The following GALNT13 variants were observed in gnomAD, a reference collection of about 807,000 sequenced individuals.
GALNT13 encodes polypeptide N-acetylgalactosaminyltransferase 13.
GALNT13 carries 28 observed loss-of-function variants against 64.2 expected under a neutral mutation model. The observed-to-expected ratio is 0.44, with a 90% CI of 0.32 to 0.60. The LOEUF (loss-of-function observed/expected upper bound fraction) is 0.60. Among genes scored for constraint, GALNT13 ranks in the 20% least tolerant of loss-of-function variants. The pLI is 0.05. For missense variants in GALNT13, 577 were observed against 669.8 expected (o/e 0.86, Z 1.53); for synonymous variants, 214 against 224.6 (o/e 0.95, Z 0.42).
chr2:153,611,679 CTTTTTTTT>C, the GALNT13 span, among the ~76,000 whole-genome samples: 13,875 of 104,390 alleles, frequency 0.13, 773 homozygotes, highest in South Asian at 0.23. Context: ...ACATTTTTAC[CTTTTTTTT>C]TTTTTTTTTT....
At chr2:153,480,988 T>C in the GALNT13 span, among the ~76,000 whole-genome samples, 1 of 152,208 alleles carries the variant, frequency 6.6e-6, no homozygotes, top group Non-Finnish European at 1.5e-5. Flanking sequence ...GTCAGGTCAG[T>C]GTTAAAATGA....
chr2:153,576,260 G>A, the GALNT13 span, among the ~76,000 whole-genome samples: 8,951 of 152,070 alleles, frequency 0.059, 458 homozygotes, highest in East Asian at 0.15. Context: ...TAGCTGCCCC[G>A]GCTGGTCTCT....
intron 4 of GALNT13, among the ~76,000 whole-genome samples, chr2:154,160,178 T>G (rs918416465): frequency 1.3e-5 from 2 of 152,212 alleles, no homozygotes; most frequent in Admixed American, 6.5e-5. Context: ...TGCAGCCTAG[T>G]TTTTGGCTAA....
At chr2:153,266,087 C>A in the GALNT13 span, among the ~76,000 whole-genome samples, 29 of 152,134 alleles carry the variant, frequency 1.9e-4, no homozygotes, top group Middle Eastern at 6.8e-3. Context: ...AGTGGGAAAC[C>A]AAAAAATTTG....
chr2:153,409,767 T>G, the GALNT13 span, among the ~76,000 whole-genome samples: 25 of 152,154 alleles, frequency 1.6e-4, no homozygotes, highest in African/African-American at 6.0e-4. Flanking sequence ...TCCCAGGATA[T>G]TGATGTAAAA....
At chr2:153,932,271 A>G (rs1047359988) in intron 2 of GALNT13, among the ~76,000 whole-genome samples, 3 of 151,724 alleles carry the variant, frequency 2.0e-5, no homozygotes, top group Admixed American at 6.6e-5. Context: ...ATGGTTTTTC[A>G]TATCTAAATT....
the GALNT13 span, among the ~76,000 whole-genome samples, chr2:153,266,869 A>C: frequency 6.6e-6 from 1 of 152,274 alleles, no homozygotes; most frequent in South Asian, 2.1e-4. Context: ...CCACGTCTTA[A>C]CTCATTCCAG....
chr2:153,820,125 A>G, the GALNT13 span, among the ~76,000 whole-genome samples: 1 of 152,378 alleles, frequency 6.6e-6, no homozygotes, highest in African/African-American at 2.4e-5. Flanking sequence ...TGAAAGCTAG[A>G]CTAAGCAGAA....
the GALNT13 span, among the ~76,000 whole-genome samples, chr2:153,831,460 T>C: frequency 6.6e-6 from 1 of 152,200 alleles, no homozygotes; most frequent in Non-Finnish European, 1.5e-5. Context: ...AGTATCTTCC[T>C]AGAATGCTTC....
At chr2:154,389,168 C>T (rs1365980648) in intron 9 of GALNT13, among the ~76,000 whole-genome samples, 6 of 152,128 alleles carry the variant, frequency 3.9e-5, no homozygotes, top group African/African-American at 1.4e-4. Flanking sequence ...TGTGGTCTCG[C>T]TCTGTCACCC....
At chr2:153,069,246 G>GT in the GALNT13 span, among the ~76,000 whole-genome samples, 1 of 152,128 alleles carries the variant, frequency 6.6e-6, no homozygotes. Flanking sequence ...TTCTAGAAAG[G>GT]TTTTGTCACT....
intron 3 of GALNT13, among the ~76,000 whole-genome samples, chr2:154,121,876 T>G (rs1382804033): frequency 6.6e-6 from 1 of 152,134 alleles, no homozygotes; most frequent in Admixed American, 6.5e-5. Flanking sequence ...TGAGATCCAG[T>G]ACAATGTTGA....
intron 3 of GALNT13, among the ~76,000 whole-genome samples, chr2:154,026,890 TAGGTACA>T (rs1698004747): frequency 6.6e-6 from 1 of 152,038 alleles, no homozygotes; most frequent in Non-Finnish European, 1.5e-5. Context: ...TGAGAATGGA[TAGGTACA>T]CCCAATCGAG....
At chr2:153,788,455 T>C in the GALNT13 span, among the ~76,000 whole-genome samples, 1 of 151,968 alleles carries the variant, frequency 6.6e-6, no homozygotes, top group African/African-American at 2.4e-5. Flanking sequence ...AAAAAATTAC[T>C]AAATCTTGAA....
intron 3 of GALNT13, among the ~76,000 whole-genome samples, chr2:154,055,447 A>G (rs768461138): frequency 3.0e-4 from 45 of 152,100 alleles, no homozygotes; most frequent in Admixed American, 2.7e-3. Flanking sequence ...TCTTTCCCCT[A>G]CAACATTTAC....
the GALNT13 span, among the ~76,000 whole-genome samples, chr2:153,563,494 T>C: frequency 6.6e-6 from 1 of 152,158 alleles, no homozygotes; most frequent in Non-Finnish European, 1.5e-5. Context: ...TATTGAGTGA[T>C]ATGGATTTTC....
the GALNT13 span, among the ~76,000 whole-genome samples, chr2:153,679,125 C>T: frequency 1.3e-5 from 2 of 151,938 alleles, no homozygotes; most frequent in Admixed American, 1.3e-4. Flanking sequence ...TCATGGATTC[C>T]AGCTGTTCCT....
At chr2:153,284,937 A>G in the GALNT13 span, among the ~76,000 whole-genome samples, 5 of 152,238 alleles carry the variant, frequency 3.3e-5, no homozygotes, top group African/African-American at 9.6e-5. Context: ...ATACATATGT[A>G]CATACACACA....
the GALNT13 span, among the ~76,000 whole-genome samples, chr2:153,401,839 T>C: frequency 5.3e-5 from 8 of 152,194 alleles, no homozygotes; most frequent in Non-Finnish European, 1.0e-4. Context: ...TGAGATGGGT[T>C]TCCTGAATAC....
Sources: allele counts gnomAD v4.1 joint callset (sites outside exome capture counted in the v4.1 genomes callset), GRCh38; gene constraint gnomAD v4.1.1; transcripts MANE v1.5; gene names NCBI Gene and HGNC (gene_info 2026-07-23, HGNC 2026-07-21).